CSMD1: variants seen among roughly 807,000 people sequenced by gnomAD.
The protein encoded by CSMD1 is CUB and sushi domain-containing protein 1.
CSMD1 carries 213 observed loss-of-function variants against 417.5 expected under a neutral mutation model. The ratio of observed to expected loss-of-function variants is 0.51; its 90% CI spans 0.46 to 0.57. The LOEUF (loss-of-function observed/expected upper bound fraction) is 0.57, where lower values mean the gene tolerates loss of function less well. CSMD1 is among the 20% of genes least tolerant of loss of function. CSMD1 has a pLI of 0.00. For missense variants in CSMD1, 6,923 were observed against 4,529.7 expected (o/e 1.53, Z -15.17); for synonymous variants, 2,862 against 1,736.8 (o/e 1.65, Z -16.11).
At chr8:2,990,204 G>C (rs932093201) in intron 54 of CSMD1, among the ~76,000 whole-genome samples, 6 of 152,212 alleles carry the variant, frequency 3.9e-5, no homozygotes, top group African/African-American at 1.4e-4. Flanking sequence ...AGTCCTTGCA[G>C]CTGCATGAGC....
At chr8:4,836,441 A>T (rs1273512828) in intron 1 of CSMD1, among the ~76,000 whole-genome samples, 1 of 152,188 alleles carries the variant, frequency 6.6e-6, no homozygotes, top group African/African-American at 2.4e-5. Flanking sequence ...ATTTGTCCAA[A>T]TTCTCCTTAA....
intron 50 of CSMD1, among the ~76,000 whole-genome samples, chr8:3,041,247 T>C (rs1467527448): frequency 6.6e-6 from 1 of 152,186 alleles, no homozygotes; most frequent in African/African-American, 2.4e-5. Context: ...AACAGTTAAA[T>C]AGATATGTAC....
intron 18 of CSMD1, among the ~76,000 whole-genome samples, chr8:3,382,826 T>A (rs996423066): frequency 1.3e-5 from 2 of 151,958 alleles, no homozygotes; most frequent in Admixed American, 6.6e-5. Flanking sequence ...AGAATAACTT[T>A]TAGTGTGCAT....
At chr8:3,640,359 T>G (rs961569587) in intron 7 of CSMD1, among the ~76,000 whole-genome samples, 12 of 152,236 alleles carry the variant, frequency 7.9e-5, no homozygotes. Flanking sequence ...TGTAGTTTAT[T>G]GAAGGCATTG....
chr8:3,456,899 C>A (rs369521449), intron 12 of CSMD1, among the ~76,000 whole-genome samples: 1 of 152,066 alleles, frequency 6.6e-6, no homozygotes, highest in African/African-American at 2.4e-5. Context: ...ATCCTGCCCC[C>A]CTTGTATTCT....
rs190366059 is a variant in CSMD1 at position 4,253,899 on chromosome 8, C to G, written c.415+166054G>C. On this transcript the variant is annotated intron_variant, in intron 3 of 69. Coordinates refer to ENST00000635120, the MANE Select transcript of CSMD1 (RefSeq NM_033225.6). Reference sequence around the variant, plus strand: ...CAAAGAGACACTACGTTCGTTATTTCCTTCCATCTTTTTTTTTTTTTTTTT... The same window carrying G: ...CAAAGAGACACTACGTTCGTTATTTGCTTCCATCTTTTTTTTTTTTTTTTT... 7.9e-3 allele frequency among the ~76,000 whole-genome samples: 1,089 copies of G among 137,728 alleles called. 12 individuals are homozygous for G. The highest frequency in any genetic ancestry group is 0.01 in the Non-Finnish European group (666 of 64,038). The allele number at this position is 137,728 out of a possible 152,430, so 90.4% of individuals were successfully genotyped here.
intron 3 of CSMD1, among the ~76,000 whole-genome samples, chr8:4,368,454 G>A (rs1193545118): frequency 2.0e-5 from 3 of 152,094 alleles, no homozygotes; most frequent in African/African-American, 7.2e-5. Context: ...GTCTCTACCA[G>A]GGTTTTAATA....
chr8:3,975,066 A>G (rs1040987131), intron 5 of CSMD1, among the ~76,000 whole-genome samples: 1 of 152,208 alleles, frequency 6.6e-6, no homozygotes, highest in African/African-American at 2.4e-5. Flanking sequence ...ACATCTGTAC[A>G]CTGAAGTTTA....
intron 2 of CSMD1, among the ~76,000 whole-genome samples, chr8:4,467,624 A>G (rs1378183216): frequency 2.0e-5 from 3 of 152,228 alleles, no homozygotes; most frequent in Non-Finnish European, 4.4e-5. Flanking sequence ...AATTCTTTTC[A>G]GTTTTCTGAA....
chr8:3,062,403 C>A (rs986368794), intron 49 of CSMD1, among the ~76,000 whole-genome samples: 12 of 151,986 alleles, frequency 7.9e-5, no homozygotes, highest in Non-Finnish European at 1.6e-4. Context: ...CGGGTGTTTC[C>A]AAGGAGTAAA....
At chr8:4,129,469 T>G (rs1377458223) in intron 3 of CSMD1, among the ~76,000 whole-genome samples, 2 of 152,176 alleles carry the variant, frequency 1.3e-5, no homozygotes, top group Non-Finnish European at 2.9e-5. Flanking sequence ...ATAAAAATTG[T>G]GAAGTTTTGT....
chr8:3,841,968 G>C (rs1006870695), intron 5 of CSMD1, among the ~76,000 whole-genome samples: 3 of 152,130 alleles, frequency 2.0e-5, no homozygotes, highest in African/African-American at 4.8e-5. Context: ...GCTTCCAAAA[G>C]CAGTTTTTTT....
intron 1 of CSMD1, among the ~76,000 whole-genome samples, chr8:4,717,213 G>C (rs141754355): frequency 1.3e-5 from 2 of 151,246 alleles, no homozygotes; most frequent in East Asian, 3.9e-4. Context: ...AGTATTAACA[G>C]GTTCCAAATA....
chr8:3,878,810 C>A (rs540984803), intron 5 of CSMD1, among the ~76,000 whole-genome samples: 5 of 152,142 alleles, frequency 3.3e-5, no homozygotes, highest in African/African-American at 1.2e-4. Flanking sequence ...ACGACGACCA[C>A]AAATCCAGCT....
intron 12 of CSMD1, among the ~76,000 whole-genome samples, chr8:3,451,796 C>A (rs187118680): frequency 1.3e-5 from 2 of 152,210 alleles, no homozygotes; most frequent in Non-Finnish European, 2.9e-5. Context: ...CTTGTCGATG[C>A]GGGCTCTTTT....
At chr8:3,868,406 T>C (rs951405849) in intron 5 of CSMD1, among the ~76,000 whole-genome samples, 3 of 151,978 alleles carry the variant, frequency 2.0e-5, no homozygotes, top group East Asian at 3.9e-4. Flanking sequence ...GTGCAGATGG[T>C]CCACACAAGG....
At chr8:4,318,032 C>A (rs1001270264) in intron 3 of CSMD1, among the ~76,000 whole-genome samples, 1 of 152,058 alleles carries the variant, frequency 6.6e-6, no homozygotes, top group Non-Finnish European at 1.5e-5. Context: ...ATTCTATTAG[C>A]AATATATAAA....
intron 1 of CSMD1, among the ~76,000 whole-genome samples, chr8:4,932,947 G>C (rs975982140): frequency 1.3e-5 from 2 of 152,098 alleles, no homozygotes; most frequent in African/African-American, 4.8e-5. Context: ...TACATAACAT[G>C]TATCTAGCCA....
chr8:3,999,946 AATT>A (rs1261985187), intron 4 of CSMD1, among the ~76,000 whole-genome samples: 1 of 152,226 alleles, frequency 6.6e-6, no homozygotes. Flanking sequence ...TAAGATTAAT[AATT>A]ATTAAGTGCA....
Sources: allele counts gnomAD v4.1 joint callset (sites outside exome capture counted in the v4.1 genomes callset), GRCh38; gene constraint gnomAD v4.1.1; transcripts MANE v1.5; gene names NCBI Gene and HGNC (gene_info 2026-07-23, HGNC 2026-07-21).